PROX2: variants seen among roughly 807,000 people sequenced by gnomAD.
PROX2 encodes the protein prospero homeobox protein 2.
PROX2 carries 46 observed loss-of-function variants against 48.9 expected under a neutral mutation model. That is an observed-to-expected ratio of 0.94 (90% CI 0.74 to 1.20). The LOEUF is 1.20. Ranked by LOEUF, PROX2 falls within the 50% of genes most tolerant of loss-of-function variation. The pLI is 0.00. For synonymous variants in PROX2, 260 were observed against 276.6 expected (o/e 0.94, Z 0.60); for missense variants, 663 against 719.4 (o/e 0.92, Z 0.90).
At chr14:74,869,130 A>G (rs1006533339) in intron 2 of PROX2, among the ~76,000 whole-genome samples, 5 of 152,166 alleles carry the variant, frequency 3.3e-5, no homozygotes, top group African/African-American at 1.2e-4. Flanking sequence ...ACACTCCTAC[A>G]TATTTCTTTG....
chr14:74,875,006 G>A (rs568906720), intron 1 of PROX2, among the ~76,000 whole-genome samples: 17 of 152,178 alleles, frequency 1.1e-4, no homozygotes, highest in Admixed American at 3.3e-4. Context: ...TTAGCTGGGC[G>A]TGGTGGTGCA....
At chr14:74,861,280 A>G in intron 3 of PROX2, 1 of 1,277,856 alleles carries the variant, frequency 7.8e-7, no homozygotes, top group Non-Finnish European at 1.0e-6. Flanking sequence ...AAGAAGCAGC[A>G]GCGTGAGCAC....
rs1013474756 is a variant in PROX2 at position 74,856,935 on chromosome 14, A to G, written c.1474T>C (p.Tyr492His). ...KWFSNFREFYYIQMEKSARQA... is the reference protein window; with the variant it reads ...KWFSNFREFYHIQMEKSARQA... The stretch of plus-strand genomic sequence containing the variant: ...CGGGCAGATTTTTCCATTTGGATGT[A>G]ATAAAACTCACGAAAGTTGCTGAAC... Residue 492 changes from tyrosine to histidine, a missense_variant, in exon 5 of 6, where the codon TAC (tyrosine) becomes CAC (histidine). Coordinates refer to ENST00000556489, the MANE Select transcript of PROX2 (RefSeq NM_001243007.2). 9.9e-6 allele frequency: 16 copies of G among 1,613,910 alleles called. No homozygotes were observed. In the Admixed American group the frequency reaches 2.3e-4, roughly 24 times the overall value.
chr14:74,872,960 G>A (rs1883250148), intron 1 of PROX2, among the ~76,000 whole-genome samples: 1 of 152,154 alleles, frequency 6.6e-6, no homozygotes, highest in South Asian at 2.1e-4. Flanking sequence ...GATCTACCAG[G>A]TATTAGACCT....
In PROX2 at chr14:74,862,593, C is replaced by A. The variant is rs747888054; in HGVS notation, c.1242G>T (p.Ser414=). The change falls in exon 3 of 6, where the codon TCG becomes TCT. Residue 414 remains serine, a synonymous_variant. Transcript: ENST00000556489. ...AHLESLPLLP[S]VKMEQRGLHA... ...GCAGGCCTCTCTGTTCCATCTTCACCGAGGGAAGAAGGGGTAGACTTTCCA... is the reference window on the plus strand; with the variant it reads ...GCAGGCCTCTCTGTTCCATCTTCACAGAGGGAAGAAGGGGTAGACTTTCCA... 7.4e-6 allele frequency: 12 copies of A among 1,613,642 alleles called. No homozygotes were observed. Among genetic ancestry groups the A allele is most frequent in the Non-Finnish European group, 1.0e-5 (12 of 1,179,744 alleles).
chr14:74,868,609 C>T (rs1594863599), intron 2 of PROX2, among the ~76,000 whole-genome samples: 1 of 151,032 alleles, frequency 6.6e-6, no homozygotes, highest in East Asian at 1.9e-4. Flanking sequence ...CTGAGGCAGG[C>T]GGATCACGAG....
At chr14:74,855,394 T>C in intron 5 of PROX2, 92 bp from the exon 6 acceptor site, 1 of 1,072,068 alleles carries the variant, frequency 9.3e-7, no homozygotes, top group Non-Finnish European at 1.3e-6. Context: ...TGCCTGTTTC[T>C]TGGGTAGTGG....
In PROX2 at chr14:74,856,926, T is replaced by C. The variant is rs182446913; in HGVS notation, c.1483A>G (p.Met495Val). ...SNFREFYYIQ[M>V]EKSARQAISD... ...ATTGCTTGCCGGGCAGATTTTTCCA[T>C]TTGGATGTAATAAAACTCACGAAAG... is the stretch of plus-strand genomic sequence containing the variant. Residue 495 changes from methionine to valine, a missense_variant, in exon 5 of 6, where the codon ATG becomes GTG. Coordinates refer to ENST00000556489, the MANE Select transcript of PROX2 (RefSeq NM_001243007.2). 8.7e-6 allele frequency: 14 copies of C among 1,613,996 alleles called. No homozygotes were observed. The Admixed American group carries it at 2.2e-4, about 25-fold the overall frequency.
At chr14:74,874,503 G>A (rs1002594167) in intron 1 of PROX2, among the ~76,000 whole-genome samples, 1 of 151,468 alleles carries the variant, frequency 6.6e-6, no homozygotes, top group Non-Finnish European at 1.5e-5. Context: ...CACCCACCTC[G>A]GCCTCCCAAA....
chr14:74,868,321 ATATATATATATAT>A (rs1190885162), intron 2 of PROX2, among the ~76,000 whole-genome samples: 1 of 43,438 alleles, frequency 2.3e-5, no homozygotes, highest in Non-Finnish European at 4.3e-5. Flanking sequence ...AATTATATAT[ATATATATATATAT>A]ATATATATAT....
intron 4 of PROX2, 121 bp downstream of exon 4, chr14:74,858,286 C>A: frequency 1.6e-6 from 1 of 609,954 alleles, no homozygotes. Flanking sequence ...TTGCTTCCAT[C>A]AGCAACACTA....
At chr14:74,858,845 TGTGTGTGTGTGTGTGTGTG>T (rs2091772247) in intron 3 of PROX2, 1 of 57,704 alleles carries the variant, frequency 1.7e-5, no homozygotes, top group African/African-American at 1.0e-4. Context: ...TGGTGTATTG[TGTGTGTGTGTGTGTGTGTG>T]TGTGTGTGTG....
At chr14:74,872,446 T>C (rs117801440) in intron 1 of PROX2, among the ~76,000 whole-genome samples, 3,452 of 152,272 alleles carry the variant, frequency 0.023, 73 homozygotes, top group Middle Eastern at 0.054. Context: ...ACAGCTGCTT[T>C]TACCTTCATC....
intron 2 of PROX2, among the ~76,000 whole-genome samples, chr14:74,870,222 T>A (rs1348465843): frequency 6.7e-6 from 1 of 149,026 alleles, no homozygotes; most frequent in Non-Finnish European, 1.5e-5. Context: ...AGCTCAGGAG[T>A]TTGAGAGTAG....
chr14:74,872,305 T>A (rs1330773734), intron 1 of PROX2, among the ~76,000 whole-genome samples: 1 of 152,248 alleles, frequency 6.6e-6, no homozygotes, highest in African/African-American at 2.4e-5. Flanking sequence ...TGGGAAAACA[T>A]GTTTTTCTTT....
At chr14:74,858,303 G>T in intron 4 of PROX2, 104 bp downstream of exon 4, 1 of 658,908 alleles carries the variant, frequency 1.5e-6, no homozygotes. Flanking sequence ...ACTAAGGGGA[G>T]CTTGAAGTGC....
Position 74,856,906 on chromosome 14 carries a change from T to C in PROX2, c.1503A>G (p.Gln501=). ...GATTTGTGACACCATCTGAAATTGC[T>C]TGCCGGGCAGATTTTTCCATTTGGA... ...YYIQMEKSAR[Q]AISDGVTNPK... is the part of the protein sequence containing the mutation. The change falls in exon 5 of 6, where the codon CAA becomes CAG. Residue 501 remains glutamine, a synonymous_variant. Coordinates refer to ENST00000556489, the MANE Select transcript of PROX2 (RefSeq NM_001243007.2). The C allele has an allele frequency of 3.1e-6, 5 of 1,614,038 alleles. No homozygotes were observed. The highest frequency in any genetic ancestry group is 1.7e-5 in the Admixed American group (1 of 60,016).
Position 74,855,293 on chromosome 14 carries a change from A to C in PROX2, c.1618T>G (p.Cys540Gly), listed in dbSNP as rs773892239. The change falls in exon 6 of 6, where the codon TGC becomes GGC. Residue 540 changes from cysteine (C) to glycine (G), a missense_variant. By Grantham distance (159) the Cys-to-Gly change is radical (BLOSUM62 -3). Transcript: ENST00000556489. The part of the protein sequence containing the change: ...NKGNDFEVPD[C>G]FLEIASLTLQ... The stretch of plus-strand genomic sequence containing the variant: ...GTCAAGCTGGCAATTTCCAAGAAGC[A>C]ATCTGGAACCTGCATTTCCAAAGAG... 5.8e-6 allele frequency: 9 copies of C among 1,552,514 alleles called. No individual in the cohort carries two copies. The highest frequency in any genetic ancestry group is 7.9e-6 in the Non-Finnish European group (9 of 1,139,232).
At position 74,863,695 on chromosome 14, in the gene PROX2, C is replaced by T. The variant is rs760230963; in HGVS notation, c.140G>A (p.Ser47Asn). 2.4e-5 allele frequency: 37 copies of T among 1,537,486 alleles called. No individual in the cohort carries two copies. The East Asian group carries it at 7.7e-4, about 32-fold the overall frequency. Reference sequence around the variant, plus strand: ...CCATTCGGGGTCTGTAGGGCTGGAGCTGGGGACCTGACTCCAGGGAAACGG... The same window carrying T: ...CCATTCGGGGTCTGTAGGGCTGGAGTTGGGGACCTGACTCCAGGGAAACGG... The part of the protein sequence containing the change: ...DSPFPWSQVP[S>N]SSPTDPEWFG... The change falls in exon 3 of 6, where the codon AGC becomes AAC. Residue 47 changes from serine (S) to asparagine (N), a missense_variant. Coordinates refer to ENST00000556489, the MANE Select transcript of PROX2 (RefSeq NM_001243007.2).
Sources: gnomAD v4.1 joint callset for allele counts (sites outside exome capture counted in the v4.1 genomes callset) on GRCh38, gnomAD v4.1.1 for gene constraint, MANE v1.5 for transcripts, NCBI Gene and HGNC (gene_info 2026-07-23, HGNC 2026-07-21) for gene names.